The following THBS2 variants were observed in gnomAD, a reference collection of about 807,000 sequenced individuals.
The protein encoded by THBS2 is thrombospondin 2, also known as thrombospondin-2.
In THBS2, 47 loss-of-function variants were observed where a neutral mutation model predicts 135.2. That is an observed-to-expected ratio of 0.35 (90% CI 0.28 to 0.44). The LOEUF is 0.44. Among genes scored for constraint, THBS2 ranks in the 20% least tolerant of loss-of-function variants. The pLI is 1.00. For missense variants in THBS2, 1,288 were observed against 1,603.1 expected, an observed-to-expected ratio of 0.80 and a Z score of 3.36; for synonymous variants, 639 against 633.8, an observed-to-expected ratio of 1.01 and a Z score of -0.12.
At chr6:169,229,534 G>A (rs1779756427) in intron 14 of THBS2, 38 bp downstream of exon 14, 2 of 1,576,932 alleles carry the variant, frequency 1.3e-6, no homozygotes, top group Admixed American at 1.7e-5. Context: ...CGCTGCTCCT[G>A]GAACCCAGGG....
chr6:169,228,936 G>A (rs962061224), intron 14 of THBS2, among the ~76,000 whole-genome samples: 3 of 146,832 alleles, frequency 2.0e-5, no homozygotes, highest in African/African-American at 2.5e-5. Flanking sequence ...GTTAGCCCTC[G>A]CCAAACACTT....
intron 1 of THBS2, among the ~76,000 whole-genome samples, chr6:169,251,246 G>C (rs1449767779): frequency 1.3e-5 from 2 of 152,104 alleles, no homozygotes; most frequent in Admixed American, 6.5e-5. Context: ...AATAATCTGT[G>C]AACGCATTTT....
At position 169,232,212 on chromosome 6, in the gene THBS2, G is replaced by GGCT; in HGVS notation, c.1933-17_1933-15dup. The GGCT allele has an allele frequency of 6.3e-7, 1 of 1,582,138 alleles. No homozygotes were observed. The highest frequency in any genetic ancestry group is 8.6e-7 in the Non-Finnish European group (1 of 1,161,032). On this transcript the variant is annotated splice_polypyrimidine_tract_variant and intron_variant, in intron 12 of 21. Transcript: ENST00000617924. ...GGGCTCACACACCTACGGGGAGAAG[G>GGCT]GCTGCGGGGTTAGCGACAGGCAGGA...
chr6:169,244,542 A>T (rs946072175), intron 4 of THBS2, among the ~76,000 whole-genome samples: 86 of 151,476 alleles, frequency 5.7e-4, no homozygotes, highest in Non-Finnish European at 2.5e-4. Flanking sequence ...GAATATTTGC[A>T]TATATGTTTT....
intron 4 of THBS2, among the ~76,000 whole-genome samples, chr6:169,243,347 C>T (rs1382001702): frequency 1.3e-5 from 2 of 152,316 alleles, no homozygotes; most frequent in South Asian, 2.1e-4. Context: ...GCGGGGCCTG[C>T]GCAGTTGCAG....
chr6:169,242,682 A>AT lies in THBS2; in HGVS notation c.695-725_695-724insA, dbSNP rs1780368648. On this transcript the variant is annotated intron_variant, in intron 4 of 21. Transcript: ENST00000617924. ...ACCTTCCCACCACTCCCACCTTCCCACCTTCCCATCTTCCCACCTTCCCAC... is the reference window on the plus strand; with the variant it reads ...ACCTTCCCACCACTCCCACCTTCCCATCCTTCCCATCTTCCCACCTTCCCAC... 1.2e-4 allele frequency among the ~76,000 whole-genome samples: 3 copies of AT among 24,648 alleles called. 1 individual carries two copies. Among genetic ancestry groups the AT allele is most frequent in the African/African-American group, 5.5e-4 (3 of 5,440 alleles). 16.2% of individuals were successfully genotyped at this position (24,648 alleles called of 152,430 possible).
At chr6:169,228,326 T>C (rs1326104871) in intron 14 of THBS2, 45 bp from the exon 15 acceptor site, 3 of 1,607,846 alleles carry the variant, frequency 1.9e-6, no homozygotes, top group Admixed American at 3.4e-5. Flanking sequence ...ATCATAGGAA[T>C]GTGTGTCGGG....
Position 169,248,486 on chromosome 6 carries a change from G to A in THBS2, c.540C>T (p.Tyr180=), listed in dbSNP as rs1020629600. 60 of 1,613,642 alleles carry A rather than the reference G, an allele frequency of 3.7e-5. No individual in the cohort carries two copies. The highest frequency in any genetic ancestry group is 2.3e-4 in the African/African-American group (17 of 74,940). ...GGCTCTTTTCCGCCTGCAGGTGCTC[G>A]TAGAAGGGCTCGTCCAGAGCGAAGC... is the stretch of plus-strand genomic sequence containing the variant. ...IDSFALDEPF[Y]EHLQAEKSRM... Residue 180 remains tyrosine (Y), a synonymous_variant, in exon 3 of 22, where the codon TAC becomes TAT. Transcript: ENST00000617924.
At chr6:169,225,100 C>A in intron 17 of THBS2, 45 bp downstream of exon 17, 2 of 1,593,826 alleles carry the variant, frequency 1.3e-6, no homozygotes, top group South Asian at 2.2e-5. Context: ...GCGGGTTGCT[C>A]AGAAGCCATT....
rs11966847 is a variant in THBS2 at position 169,233,439 on chromosome 6, C to T, written c.1652-422G>A. Among the ~76,000 whole-genome samples, 93 of 151,490 alleles carry T rather than the reference C, an allele frequency of 6.1e-4. 4 individuals carry two copies. The highest frequency in any genetic ancestry group is 2.9e-5 in the Non-Finnish European group (2 of 67,954). Reference sequence around the variant, plus strand: ...TACACAACTACCCACACACCATGTTCCAGACCATACAACTACCACGTGCCA... The same window carrying T: ...TACACAACTACCCACACACCATGTTTCAGACCATACAACTACCACGTGCCA... On this transcript the variant is annotated intron_variant, in intron 10 of 21. Coordinates refer to ENST00000617924, the MANE Select transcript of THBS2 (RefSeq NM_003247.5).
intron 4 of THBS2, among the ~76,000 whole-genome samples, chr6:169,243,906 G>A (rs1474469454): frequency 2.6e-5 from 4 of 152,166 alleles, no homozygotes; most frequent in African/African-American, 9.7e-5. Flanking sequence ...AACAAACAGT[G>A]GAAAAGGGGA....
At chr6:169,242,047 G>T in intron 4 of THBS2, 89 bp from the exon 5 acceptor site, 1 of 1,431,226 alleles carries the variant, frequency 7.0e-7, no homozygotes, top group Non-Finnish European at 9.4e-7. Flanking sequence ...ACCCGCCCTG[G>T]CTCCCGGAGC....
In THBS2 at chr6:169,248,780, C is replaced by G. The variant is rs1439569681; in HGVS notation, c.246G>C (p.Glu82Asp). The G allele has an allele frequency of 6.2e-7, 1 of 1,612,034 alleles. No individual in the cohort carries two copies. The highest frequency in any genetic ancestry group is 8.5e-7 in the Non-Finnish European group (1 of 1,179,996). Residue 82 changes from glutamate to aspartate, a missense_variant, in exon 3 of 22, where the codon GAG becomes GAC. This residue lies in a region of THBS2 where 414 missense variants were observed against 447.0 expected (regional missense o/e 0.93). Transcript: ENST00000617924. The part of the protein sequence containing the change: ...SKITKIMRQK[E>D]GFFLTAQLKQ... ...TGAGCTGGGCCGTGAGGAAGAAGCCCTCCTTCTGCCGCATGATCTTGGTGA... is the reference window on the plus strand; with the variant it reads ...TGAGCTGGGCCGTGAGGAAGAAGCCGTCCTTCTGCCGCATGATCTTGGTGA...
At chr6:169,229,036 A>G (rs2114989199) in intron 14 of THBS2, among the ~76,000 whole-genome samples, 1 of 152,314 alleles carries the variant, frequency 6.6e-6, no homozygotes, top group Non-Finnish European at 1.5e-5. Flanking sequence ...TATATCATAC[A>G]CTTCATGGTG....
At chr6:169,251,409 T>C (rs1780749827) in intron 1 of THBS2, among the ~76,000 whole-genome samples, 2 of 152,236 alleles carry the variant, frequency 1.3e-5, no homozygotes, top group African/African-American at 4.8e-5. Flanking sequence ...ACCCTGCCTC[T>C]TTATTTTCCT....
In THBS2 at chr6:169,217,638, T is replaced by C; in HGVS notation, c.*184A>G. 1 of 564,282 alleles carries C rather than the reference T, an allele frequency of 1.8e-6. No homozygotes were observed. Among genetic ancestry groups the C allele is most frequent in the Non-Finnish European group, 3.1e-6 (1 of 323,494 alleles). 35.0% of individuals were successfully genotyped at this position (564,282 alleles called of 1,614,324 possible). A position where few individuals can be genotyped will look rare whatever the true frequency, so the allele number is the denominator to read the frequency against. Reference sequence around the variant, plus strand: ...GTTAGATGTTCATCTCTGAGTTCCATTGATATTTATCCTCTGAAGGCACTT... The same window carrying C: ...GTTAGATGTTCATCTCTGAGTTCCACTGATATTTATCCTCTGAAGGCACTT... On this transcript the variant is annotated 3_prime_UTR_variant, in exon 22 of 22. Transcript: ENST00000617924.
chr6:169,248,728 G>T lies in THBS2; in HGVS notation c.298C>A (p.Leu100Met). The T allele has an allele frequency of 2.5e-6, 4 of 1,613,790 alleles. No individual in the cohort carries two copies. The highest frequency in any genetic ancestry group is 3.4e-6 in the Non-Finnish European group (4 of 1,180,022). ...LKQDGKSRGT[L>M]LALEGPGLSQ... is the part of the protein sequence containing the mutation. Reference sequence around the variant, plus strand: ...AGACCGGGGCCCTCCAGAGCCAACAGCGTGCCCCTGGACTTGCCGTCCTGC... The same window carrying T: ...AGACCGGGGCCCTCCAGAGCCAACATCGTGCCCCTGGACTTGCCGTCCTGC... The change falls in exon 3 of 22, where the codon CTG (leucine) becomes ATG (methionine). Residue 100 changes from leucine to methionine, a missense_variant. By Grantham distance (15) the Leu-to-Met change is conservative. Transcript: ENST00000617924.
intron 16 of THBS2, 53 bp from the exon 17 acceptor site, chr6:169,225,432 G>A (rs1385134939): frequency 6.6e-7 from 1 of 1,515,738 alleles, no homozygotes; most frequent in Non-Finnish European, 9.0e-7. Context: ...TTGAGGAGGT[G>A]GAGAGGAACC....
At chr6:169,253,565 G>T (rs1249180676) in intron 1 of THBS2, among the ~76,000 whole-genome samples, 159 bp downstream of exon 1, 1 of 152,226 alleles carries the variant, frequency 6.6e-6, no homozygotes, top group Non-Finnish European at 1.5e-5. Flanking sequence ...ACCACGTGAA[G>T]AAACACTTGC....
Sources: allele counts gnomAD v4.1 joint callset (sites outside exome capture counted in the v4.1 genomes callset), GRCh38; gene constraint gnomAD v4.1.1; regional missense constraint gnomAD v4.1.1; transcripts MANE v1.5; gene names NCBI Gene and HGNC (gene_info 2026-07-23, HGNC 2026-07-21).